The following SRCAP variants were observed in gnomAD, a reference collection of about 807,000 sequenced individuals.
The protein encoded by SRCAP is Snf2 related CREBBP activator protein.
Under a neutral mutation model 263.1 loss-of-function variants are expected in SRCAP, and 46 were observed. The observed-to-expected ratio is 0.17, with a 90% CI of 0.14 to 0.22. The LOEUF is 0.22. Ranked by LOEUF, SRCAP falls within the 10% of genes least tolerant of loss-of-function variation. SRCAP has a pLI of 1.00. For synonymous variants in SRCAP, 1,813 were observed against 1,662.1 expected (o/e 1.09, Z -2.21); for missense variants, 3,695 against 4,181.9 (o/e 0.88, Z 3.21).
intron 15 of SRCAP, 25 bp downstream of exon 15, chr16:30,713,402 G>A: frequency 6.2e-7 from 1 of 1,613,816 alleles, no homozygotes; most frequent in South Asian, 1.1e-5. Context: ...GGGGATTCAT[G>A]GGAGGGTTGA....
Position 30,724,554 on chromosome 16 carries a change from C to T in SRCAP, c.5130C>T (p.Pro1710=). The T allele has an allele frequency of 6.2e-7, 1 of 1,614,206 alleles. No individual in the cohort carries two copies. Among genetic ancestry groups the T allele is most frequent in the Non-Finnish European group, 8.5e-7 (1 of 1,180,034 alleles). Reference sequence around the variant, plus strand: ...TGGGAACGGGGAACCCCCAGGGACCCTTTCCAACTCAGACATTGTCATTAA... The same window carrying T: ...TGGGAACGGGGAACCCCCAGGGACCTTTTCCAACTCAGACATTGTCATTAA... ...LSLGTGNPQG[P]FPTQTLSLTP... Residue 1710 remains proline, a synonymous_variant, in exon 25 of 34, where the codon CCC becomes CCT. Transcript: ENST00000262518.
intron 18 of SRCAP, among the ~76,000 whole-genome samples, chr16:30,718,968 C>T (rs1023926307): frequency 4.0e-5 from 6 of 151,324 alleles, no homozygotes; most frequent in Admixed American, 1.3e-4. Flanking sequence ...GCAGTCTCAG[C>T]GCATTGCAAC....
rs1336673910 is a variant in SRCAP at position 30,723,644 on chromosome 16, T to G, written c.4220T>G (p.Leu1407Arg). 1.2e-6 allele frequency: 2 copies of G among 1,613,648 alleles called. No homozygotes were observed. ...TCTCCTCTCCACGTGCCATCCTCCC[T>G]CCCTGGGCCAGCCTCTTCTCCAATG... ...ISSPLHVPSSLPGPASSPMPI... is the reference protein window; with the variant it reads ...ISSPLHVPSSRPGPASSPMPI... Residue 1407 changes from leucine to arginine, a missense_variant, in exon 25 of 34, where the codon CTC becomes CGC. Around this residue, in one of 12 missense-constraint regions of SRCAP, gnomAD observed 1,347 missense variants for 1,304.4 expected, o/e 1.03. Coordinates refer to ENST00000262518, the MANE Select transcript of SRCAP (RefSeq NM_006662.3).
At chr16:30,720,044 T>G in intron 18 of SRCAP, 118 bp from the exon 19 acceptor site, 10 of 1,049,934 alleles carry the variant, frequency 9.5e-6, no homozygotes, top group East Asian at 7.7e-5. Flanking sequence ...GTACATGTGG[T>G]ATTTGGTTTT....
intron 4 of SRCAP, 95 bp from the exon 5 acceptor site, chr16:30,707,088 C>T: frequency 7.8e-7 from 1 of 1,277,326 alleles, no homozygotes; most frequent in Non-Finnish European, 1.1e-6. Flanking sequence ...ATAAGCATAA[C>T]ACACTCAGCC....
At position 30,737,739 on chromosome 16, in the gene SRCAP, G is replaced by T; in HGVS notation, c.7699G>T (p.Ala2567Ser). 2.5e-6 allele frequency: 4 copies of T among 1,614,216 alleles called. No individual in the cohort carries two copies. The highest frequency in any genetic ancestry group is 2.5e-6 in the Non-Finnish European group (3 of 1,180,048). Residue 2567 changes from alanine (A) to serine (S), a missense_variant, in exon 34 of 34, where the codon GCT becomes TCT. Around this residue, in one of 12 missense-constraint regions of SRCAP, gnomAD observed 1,207 missense variants for 1,142.9 expected, o/e 1.06. Transcript: ENST00000262518. ...ALASPESLEL[A>S]SVASSETSSL... ...GGCATCTCCAGAGTCCCTGGAGCTG[G>T]CTTCTGTGGCCAGTTCAGAAACCTC...
intron 19 of SRCAP, 94 bp downstream of exon 19, chr16:30,720,425 A>G (rs2053000275): frequency 7.0e-6 from 10 of 1,421,052 alleles, no homozygotes; most frequent in Admixed American, 2.1e-5. Context: ...AGTTGGATGC[A>G]AGGCTGGAAT....
In SRCAP at chr16:30,737,434, C is replaced by T. The variant is rs755321401; in HGVS notation, c.7394C>T (p.Pro2465Leu). The T allele has an allele frequency of 6.3e-7, 1 of 1,598,932 alleles. No individual in the cohort carries two copies. Among genetic ancestry groups the T allele is most frequent in the Non-Finnish European group, 8.5e-7 (1 of 1,172,118 alleles). Residue 2465 changes from proline to leucine, a missense_variant, in exon 34 of 34, where the codon CCA becomes CTA. Pro to Leu is a moderately conservative substitution (Grantham distance 98, BLOSUM62 -3). This residue lies in a region of SRCAP where 1,207 missense variants were observed against 1,142.9 expected (regional missense o/e 1.06). Coordinates refer to ENST00000262518, the MANE Select transcript of SRCAP (RefSeq NM_006662.3). ...PALVPVPVSAPVPISAPNPIT... is the reference protein window; with the variant it reads ...PALVPVPVSALVPISAPNPIT... ...CTTGTTCCTGTCCCAGTTTCTGCCC[C>T]AGTACCCATTTCAGCCCCAAATCCA...
At position 30,739,022 on chromosome 16, in the gene SRCAP, C is replaced by G. The variant is rs150765091; in HGVS notation, c.8982C>G (p.Thr2994=). The G allele has an allele frequency of 5.4e-4, 879 of 1,614,106 alleles. 2 individuals are homozygous for G. Among genetic ancestry groups the G allele is most frequent in the Non-Finnish European group, 3.6e-4 (424 of 1,180,022 alleles). Residue 2994 remains threonine (T), a synonymous_variant, in exon 34 of 34, where the codon ACC becomes ACG. Transcript: ENST00000262518. ...CPTATVANTV[T]TVTISTSPPK... The stretch of plus-strand genomic sequence containing the variant: ...CTGCTACTGTTGCCAACACTGTCAC[C>G]ACTGTCACCATTTCAACGTCCCCAC...
intron 14 of SRCAP, 136 bp from the exon 15 acceptor site, chr16:30,713,072 T>C (rs1195491394): frequency 2.8e-6 from 3 of 1,072,064 alleles, no homozygotes; most frequent in Non-Finnish European, 4.1e-6. Flanking sequence ...CTCCTCTTTC[T>C]GTCGCTCCAT....
chr16:30,699,575 CCTCACTGG>C lies in SRCAP; in HGVS notation c.-283-332_-283-325del, dbSNP rs766047021. ...TTCCACTCTCACTTCTGCGTTCAGCCCTCACTGGAAAGGCCCGCAGGCAGGTAGCACCT... is the reference window on the plus strand; with the variant it reads ...TTCCACTCTCACTTCTGCGTTCAGCCAAAGGCCCGCAGGCAGGTAGCACCT... On this transcript the variant is annotated intron_variant, in intron 1 of 33. Transcript: ENST00000262518. Among the ~76,000 whole-genome samples, 29 of 152,310 alleles carry C rather than the reference CCTCACTGG, an allele frequency of 1.9e-4. No individual in the cohort carries two copies. The South Asian group carries it at 4.4e-3, about 23-fold the overall frequency.
chr16:30,699,515 C>A (rs1361380117), intron 1 of SRCAP, among the ~76,000 whole-genome samples: 1 of 152,182 alleles, frequency 6.6e-6, no homozygotes, highest in Admixed American at 6.5e-5. Context: ...GCGGATTTTC[C>A]TGTGACCAGC....
chr16:30,715,625 C>T (rs1431501301), intron 16 of SRCAP, among the ~76,000 whole-genome samples: 1 of 150,156 alleles, frequency 6.7e-6, no homozygotes, highest in African/African-American at 2.4e-5. Flanking sequence ...CTTCATTTAT[C>T]TCTGTTCCTT....
At chr16:30,723,276 C>T (rs371153299) in intron 24 of SRCAP, 47 bp downstream of exon 24, 56 of 1,554,828 alleles carry the variant, frequency 3.6e-5, no homozygotes, top group African/African-American at 9.6e-5. Flanking sequence ...GGAATGGAGA[C>T]GAGATGGGGT....
intron 22 of SRCAP, 120 bp from the exon 23 acceptor site, chr16:30,722,443 G>C: frequency 6.7e-7 from 1 of 1,502,642 alleles, no homozygotes; most frequent in Non-Finnish European, 9.0e-7. Context: ...TAAAGATAGG[G>C]AAGAGGTCAT....
chr16:30,707,798 G>A, intron 6 of SRCAP, 86 bp downstream of exon 6: 1 of 1,514,530 alleles, frequency 6.6e-7, no homozygotes, highest in Non-Finnish European at 9.0e-7. Context: ...AACTTCTTGA[G>A]GGAGTAAATA....
chr16:30,706,353 C>G (rs1336813046), intron 4 of SRCAP, among the ~76,000 whole-genome samples: 2 of 152,022 alleles, frequency 1.3e-5, no homozygotes, highest in Non-Finnish European at 2.9e-5. Context: ...TCTCAGCTAC[C>G]TGGGAGGCTG....
Position 30,739,262 on chromosome 16 carries a change from A to G in SRCAP, c.9222A>G (p.Glu3074=). The change falls in exon 34 of 34, where the codon GAA becomes GAG. Residue 3074 remains glutamate (E), a synonymous_variant. Transcript: ENST00000262518. Reference sequence around the variant, plus strand: ...TGGCCCGCCTTCGGCTTGAAGCAGAAGGAATGCGAGGACGGAAGAGTGGAG... The same window carrying G: ...TGGCCCGCCTTCGGCTTGAAGCAGAGGGAATGCGAGGACGGAAGAGTGGAG... The part of the protein sequence containing the change: ...TRLARLRLEA[E]GMRGRKSGGS... The G allele has an allele frequency of 6.2e-7, 1 of 1,613,982 alleles. No homozygotes were observed. The highest frequency in any genetic ancestry group is 8.5e-7 in the Non-Finnish European group (1 of 1,180,022).
At chr16:30,704,704 T>C (rs1264607295) in intron 4 of SRCAP, among the ~76,000 whole-genome samples, 1 of 151,946 alleles carries the variant, frequency 6.6e-6, no homozygotes, top group African/African-American at 2.4e-5. Context: ...CTGGGTATAG[T>C]CGCACATGCC....
Sources: gnomAD v4.1 joint callset for allele counts (sites outside exome capture counted in the v4.1 genomes callset) on GRCh38, gnomAD v4.1.1 for gene constraint, gnomAD v4.1.1 regional missense constraint, MANE v1.5 for transcripts, NCBI Gene and HGNC (gene_info 2026-07-23, HGNC 2026-07-21) for gene names.